The following GRIP1 variants were observed in gnomAD, a reference collection of about 807,000 sequenced individuals.
GRIP1 encodes the protein glutamate receptor interacting protein 1, also known as glutamate receptor-interacting protein 1.
In GRIP1, 45 loss-of-function variants were observed where a neutral mutation model predicts 129.9. That is an observed-to-expected ratio of 0.35 (90% CI 0.27 to 0.44). The LOEUF (loss-of-function observed/expected upper bound fraction) is 0.44. Ranked by LOEUF, GRIP1 falls within the 20% of genes least tolerant of loss-of-function variation. The pLI is 1.00. For synonymous variants in GRIP1, 530 were observed against 520.8 expected (o/e 1.02, Z -0.24); for missense variants, 1,196 against 1,396.8 (o/e 0.86, Z 2.29).
intron 1 of GRIP1, among the ~76,000 whole-genome samples, chr12:66,708,610 T>C (rs1460562144): frequency 6.6e-6 from 1 of 151,964 alleles, no homozygotes; most frequent in African/African-American, 2.4e-5. Flanking sequence ...ATGATGAAAA[T>C]ACATGAAATT....
At chr12:66,439,143 G>A (rs1305871062) in intron 13 of GRIP1, among the ~76,000 whole-genome samples, 1 of 152,168 alleles carries the variant, frequency 6.6e-6, no homozygotes, top group African/African-American at 2.4e-5. Context: ...TGCTTGGCAT[G>A]TGCAATTCAG....
intron 1 of GRIP1, among the ~76,000 whole-genome samples, chr12:67,047,191 A>G (rs1050156107): frequency 6.6e-6 from 1 of 152,198 alleles, no homozygotes; most frequent in Admixed American, 6.6e-5. Context: ...TTAAATTGTC[A>G]TGGTTGCTTG....
At chr12:67,030,203 T>C (rs1456057595) in intron 1 of GRIP1, among the ~76,000 whole-genome samples, 2 of 145,180 alleles carry the variant, frequency 1.4e-5, no homozygotes, top group African/African-American at 2.5e-5. Context: ...AGAGCGAGAC[T>C]CTGTCTCAAA....
At chr12:66,883,099 C>T (rs958900763) in intron 1 of GRIP1, among the ~76,000 whole-genome samples, 24 of 152,142 alleles carry the variant, frequency 1.6e-4, no homozygotes, top group Non-Finnish European at 3.4e-4. Flanking sequence ...TCCACTCCAT[C>T]CTCACAGCAA....
At chr12:66,754,331 C>T (rs1473375816) in intron 1 of GRIP1, among the ~76,000 whole-genome samples, 1 of 152,108 alleles carries the variant, frequency 6.6e-6, no homozygotes, top group East Asian at 1.9e-4. Flanking sequence ...AAACAAAACC[C>T]ATACATTTCC....
intron 7 of GRIP1, among the ~76,000 whole-genome samples, chr12:66,477,305 G>GGTATTTTATTCAA (rs1337486058): frequency 9.2e-5 from 14 of 151,758 alleles, no homozygotes; most frequent in African/African-American, 3.2e-4. Flanking sequence ...AAAATACCTA[G>GGTATTTTATTCAA]GAATCCAACT....
At chr12:66,786,855 A>G (rs986037109) in intron 1 of GRIP1, among the ~76,000 whole-genome samples, 1 of 152,178 alleles carries the variant, frequency 6.6e-6, no homozygotes, top group Non-Finnish European at 1.5e-5. Context: ...TTTGCCACTG[A>G]CCTAATACAA....
chr12:66,785,000 G>A (rs947151153), intron 1 of GRIP1, among the ~76,000 whole-genome samples: 2 of 151,956 alleles, frequency 1.3e-5, no homozygotes, highest in African/African-American at 4.8e-5. Context: ...TCCGTGTTCT[G>A]GCTCTCTTTC....
intron 7 of GRIP1, among the ~76,000 whole-genome samples, chr12:66,486,278 T>C (rs561624287): frequency 9.2e-5 from 14 of 152,018 alleles, no homozygotes; most frequent in African/African-American, 3.4e-4. Flanking sequence ...TATATATATA[T>C]ATATATTTAA....
intron 7 of GRIP1, among the ~76,000 whole-genome samples, chr12:66,469,222 A>T (rs1174886811): frequency 6.6e-6 from 1 of 152,208 alleles, no homozygotes; most frequent in African/African-American, 2.4e-5. Flanking sequence ...TTCACTTGTA[A>T]AATGAAGAGA....
At chr12:66,859,223 G>A (rs1424963056) in intron 1 of GRIP1, among the ~76,000 whole-genome samples, 1 of 118,374 alleles carries the variant, frequency 8.4e-6, no homozygotes. Context: ...ATAGCAAAAT[G>A]AGGCCCAAAA....
chr12:66,925,189 A>G (rs1460145804), intron 1 of GRIP1, among the ~76,000 whole-genome samples: 1 of 152,164 alleles, frequency 6.6e-6, no homozygotes, highest in Non-Finnish European at 1.5e-5. Context: ...AAGAATTTTT[A>G]AAATCACCCT....
chr12:66,804,795 T>C (rs1404641283), upstream of GRIP1, among the ~76,000 whole-genome samples: 2 of 152,190 alleles, frequency 1.3e-5, no homozygotes, highest in African/African-American at 4.8e-5. Flanking sequence ...GCAATGGGCG[T>C]ACTGATTAAC....
intron 1 of GRIP1, among the ~76,000 whole-genome samples, chr12:66,697,888 C>G (rs918288882): frequency 2.0e-5 from 3 of 151,506 alleles, no homozygotes; most frequent in African/African-American, 7.3e-5. Context: ...TCAAGACCCC[C>G]TCAACAAAGC....
intron 16 of GRIP1, among the ~76,000 whole-genome samples, chr12:66,394,878 A>G (rs907978774): frequency 3.3e-5 from 5 of 152,266 alleles, no homozygotes; most frequent in Admixed American, 6.5e-5. Context: ...AACTTAGATA[A>G]GTAAACTTGA....
chr12:66,553,061 T>G (rs562430397), intron 2 of GRIP1, among the ~76,000 whole-genome samples: 1 of 152,182 alleles, frequency 6.6e-6, no homozygotes, highest in African/African-American at 2.4e-5. Context: ...GAGGGTACCA[T>G]TCTCTCCTGG....
chr12:66,996,890 C>T (rs1356639242), intron 1 of GRIP1, among the ~76,000 whole-genome samples: 1 of 152,094 alleles, frequency 6.6e-6, no homozygotes, highest in Non-Finnish European at 1.5e-5. Flanking sequence ...GAAAGATCTG[C>T]CAGAGGCTGC....
intron 4 of GRIP1, among the ~76,000 whole-genome samples, chr12:66,531,250 AAAATATAT>A (rs1565833615): frequency 1.4e-4 from 5 of 35,102 alleles, no homozygotes; most frequent in Non-Finnish European, 2.0e-4. Flanking sequence ...AAAAAAAAAA[AAAATATAT>A]ATATATATAT....
chr12:66,354,495 C>T (rs1256233980), intron 23 of GRIP1, among the ~76,000 whole-genome samples: 3 of 152,172 alleles, frequency 2.0e-5, no homozygotes, highest in African/African-American at 7.2e-5. Context: ...CCGCACTGGG[C>T]ACTGCGCCCA....
Sources: allele counts gnomAD v4.1 joint callset (sites outside exome capture counted in the v4.1 genomes callset), GRCh38; gene constraint gnomAD v4.1.1; transcripts MANE v1.5; gene names NCBI Gene and HGNC (gene_info 2026-07-23, HGNC 2026-07-21).